SARDH: variants seen among roughly 807,000 people sequenced by gnomAD.
SARDH encodes the protein sarcosine dehydrogenase, also known as sarcosine dehydrogenase, mitochondrial.
In SARDH, 95 loss-of-function variants were observed where a neutral mutation model predicts 109.1. That is an observed-to-expected ratio of 0.87 (90% CI 0.74 to 1.03). The LOEUF (loss-of-function observed/expected upper bound fraction) is 1.03. SARDH is among the 50% of genes least tolerant of loss of function. The pLI is 0.00. For synonymous variants in SARDH, 572 were observed against 534.8 expected, an observed-to-expected ratio of 1.07 and a Z score of -0.96; for missense variants, 1,267 against 1,287.8, an observed-to-expected ratio of 0.98 and a Z score of 0.25.
chr9:133,688,242 C>T (rs1254439882), intron 16 of SARDH, among the ~76,000 whole-genome samples: 1 of 152,214 alleles, frequency 6.6e-6, no homozygotes, highest in Admixed American at 6.5e-5. Flanking sequence ...CTGGGGACTG[C>T]ATGATTCCAC....
At chr9:133,659,522 T>TTGA (rs1254355075), downstream of SARDH, among the ~76,000 whole-genome samples, 1 of 152,180 alleles carries the variant, frequency 6.6e-6, no homozygotes, top group East Asian at 1.9e-4. Context: ...GTTCAGCTCT[T>TTGA]TGATGGTTTC....
chr9:133,727,396 G>A lies in SARDH; in HGVS notation c.915+2369C>T, dbSNP rs547946368. Among the ~76,000 whole-genome samples, 152 of 152,332 alleles carry A rather than the reference G, an allele frequency of 1.0e-3. 1 individual carries two copies. Among genetic ancestry groups the A allele is most frequent in the Admixed American group, 1.4e-3 (22 of 15,298 alleles). On this transcript the variant is annotated intron_variant, in intron 6 of 20. Transcript: ENST00000439388. ...CAGGGTAGACAGCGTCCTGCTGCAC[G>A]AGGCTGCCACGCCCAGGGAGCTTCC...
At chr9:133,678,229 A>C (rs1231840033) in intron 17 of SARDH, among the ~76,000 whole-genome samples, 1 of 152,136 alleles carries the variant, frequency 6.6e-6, no homozygotes, top group African/African-American at 2.4e-5. Context: ...CACAGTGGCC[A>C]GCAGGCTCGA....
intron 17 of SARDH, among the ~76,000 whole-genome samples, chr9:133,676,242 A>G (rs1027654836): frequency 2.0e-5 from 3 of 152,222 alleles, no homozygotes; most frequent in Admixed American, 1.3e-4. Context: ...CATCACGCTA[A>G]GTGAAGGGAG....
intron 17 of SARDH, among the ~76,000 whole-genome samples, 159 bp from the exon 18 acceptor site, chr9:133,671,856 GAGCTGCTCCCTCC>G (rs1830362074): frequency 6.6e-6 from 1 of 152,210 alleles, no homozygotes; most frequent in Non-Finnish European, 1.5e-5. Flanking sequence ...CTTCCAAGGA[GAGCTGCTCCCTCC>G]AGCTGCTCTG....
intron 8 of SARDH, 74 bp downstream of exon 8, chr9:133,717,251 CG>C: frequency 6.4e-7 from 1 of 1,565,108 alleles, no homozygotes; most frequent in Non-Finnish European, 8.7e-7. Context: ...GCTGGTCTCA[CG>C]GGGCATCACT....
rs1055976286 is a variant in SARDH, at chr9:133,693,650, C to T, written c.1921+608G>A. On this transcript the variant is annotated intron_variant, in intron 15 of 20. Transcript: ENST00000439388. This position sits in a 1 kb window ranked among gnomAD's most constrained non-coding sequence, Gnocchi z 5.6. ...AGAGATCAGATGGCTCCTGTGTGAA[C>T]CCAGGGACAGGATCAGGGAGCTGAA... 6.6e-6 allele frequency among the ~76,000 whole-genome samples: 1 copy of T among 152,168 alleles called. No homozygotes were observed. Among genetic ancestry groups the T allele is most frequent in the Non-Finnish European group, 1.5e-5 (1 of 68,028 alleles).
intron 8 of SARDH, among the ~76,000 whole-genome samples, chr9:133,715,618 G>A (rs1010489263): frequency 6.6e-6 from 1 of 152,132 alleles, no homozygotes; most frequent in African/African-American, 2.4e-5. Flanking sequence ...TGGACTCCTC[G>A]GTGGCCACAG....
At position 133,712,922 on chromosome 9, in the gene SARDH, T is replaced by C. The variant is rs576177908; in HGVS notation, c.1237+116A>G. 1 of 1,119,118 alleles carries C rather than the reference T, an allele frequency of 8.9e-7. No individual in the cohort carries two copies. Among genetic ancestry groups the C allele is most frequent in the East Asian group, 2.6e-5 (1 of 38,884 alleles). The allele number at this position is 1,119,118 out of a possible 1,614,324, so 69.3% of individuals were successfully genotyped here. A position where few individuals can be genotyped will look rare whatever the true frequency, so the allele number is the denominator to read the frequency against. On this transcript the variant is annotated intron_variant, in intron 9 of 20. Coordinates refer to ENST00000439388, the MANE Select transcript of SARDH (RefSeq NM_001134707.2). This position sits in a 1 kb window ranked among gnomAD's most constrained non-coding sequence, Gnocchi z 4.1. ...GCAGAAGGGGCTGGACTCCCCAGCCTCTCCTGTCCCCACCACTGTCGGGGG... is the reference window on the plus strand; with the variant it reads ...GCAGAAGGGGCTGGACTCCCCAGCCCCTCCTGTCCCCACCACTGTCGGGGG...
intron 6 of SARDH, among the ~76,000 whole-genome samples, chr9:133,719,894 G>A (rs934215262): frequency 6.8e-6 from 1 of 147,166 alleles, no homozygotes; most frequent in South Asian, 2.2e-4. Flanking sequence ...GGCAGATCAC[G>A]AGGTCAGGAA....
chr9:133,663,899 C>G lies in SARDH; in HGVS notation c.2747G>C (p.Gly916Ala), dbSNP rs780503752. The G allele has an allele frequency of 1.2e-6, 2 of 1,614,124 alleles. No homozygotes were observed. Among genetic ancestry groups the G allele is most frequent in the South Asian group, 1.1e-5 (1 of 91,068 alleles). ...ATGTGGTCTGAGCCCTCAGTAGATT[C>G]CCTTCACCCTCTTGTTGTTGGGGTC... is the stretch of plus-strand genomic sequence containing the variant. ...PFDPNNKRVK[G>A]IY is the part of the protein sequence containing the mutation. Residue 916 changes from glycine to alanine, a missense_variant, in exon 21 of 21, where the codon GGA (glycine) becomes GCA (alanine). Physicochemically the swap from Gly to Ala is moderately conservative, Grantham distance 60. Transcript: ENST00000439388.
In SARDH at chr9:133,663,737, G is replaced by A. The variant is rs115848538; in HGVS notation, c.*152C>T. On this transcript the variant is annotated 3_prime_UTR_variant, in exon 21 of 21. Transcript: ENST00000439388. ...GGATGGGCCATCTTGGTCTCTGTCC[G>A]TATCTGGTTTGGGGGTTTTCGCAGG... 685 of 1,063,700 alleles carry A rather than the reference G, an allele frequency of 6.4e-4. 4 individuals are homozygous for A. In the African/African-American group the frequency reaches 9.8e-3, roughly 15 times the overall value. The allele number at this position is 1,063,700 out of a possible 1,614,324, so 65.9% of individuals were successfully genotyped here.
In SARDH at chr9:133,681,569, C is replaced by CT. The variant is rs1294225467; in HGVS notation, c.2163+3623dup. Among the ~76,000 whole-genome samples, 3 of 152,342 alleles carry CT rather than the reference C, an allele frequency of 2.0e-5. No individual in the cohort carries two copies. The East Asian group carries it at 5.8e-4, about 29-fold the overall frequency. On this transcript the variant is annotated intron_variant, in intron 17 of 20. Transcript: ENST00000439388. ...GAGGGAAGGAGCCACATCTTCCATC[C>CT]TGGGACCCCAATCCAGCACCCAGCA...
At chr9:133,719,377 T>C (rs2510240) in intron 6 of SARDH, among the ~76,000 whole-genome samples, 89,749 of 151,918 alleles carry the variant, frequency 0.59, 26,520 homozygotes, top group Admixed American at 0.62. Context: ...GAGGCAGCAG[T>C]AGAGGATGGG....
chr9:133,670,941 G>C (rs1467260264), intron 18 of SARDH, among the ~76,000 whole-genome samples, 189 bp from the exon 19 acceptor site: 3 of 152,218 alleles, frequency 2.0e-5, no homozygotes, highest in African/African-American at 7.2e-5. Flanking sequence ...CCGCTCCCCC[G>C]AGCAGACTGC....
At chr9:133,711,819 C>T (rs1233796145) in intron 10 of SARDH, among the ~76,000 whole-genome samples, 3 of 152,158 alleles carry the variant, frequency 2.0e-5, no homozygotes, top group South Asian at 4.1e-4. Context: ...CGTCCTGCCT[C>T]GACAGCCACC....
chr9:133,725,008 G>A (rs938142473), intron 6 of SARDH, among the ~76,000 whole-genome samples: 1 of 152,172 alleles, frequency 6.6e-6, no homozygotes, highest in Non-Finnish European at 1.5e-5. Context: ...CCACCAGTGG[G>A]TGAACGGATA....
In SARDH at chr9:133,734,127, C is replaced by T. The variant is rs767624464; in HGVS notation, c.47G>A (p.Arg16His). The change falls in exon 2 of 21, where the codon CGC (arginine) becomes CAC (histidine). Residue 16 changes from arginine (R) to histidine (H), a missense_variant. Coordinates refer to ENST00000439388, the MANE Select transcript of SARDH (RefSeq NM_001134707.2). Reference sequence around the variant, plus strand: ...CCCCATGCCCCGGGTAGGGCTCTGGCGAGGGTGGGCAGCAGCCACACGTAG... The same window carrying T: ...CCCCATGCCCCGGGTAGGGCTCTGGTGAGGGTGGGCAGCAGCCACACGTAG... The part of the protein sequence containing the change: ...RALRVAAAHP[R>H]QSPTRGMGPC... 28 of 1,609,034 alleles carry T rather than the reference C, an allele frequency of 1.7e-5. No homozygotes were observed. In the East Asian group the frequency reaches 1.8e-4, roughly 10 times the overall value.
chr9:133,727,890 G>A (rs1423529905), intron 6 of SARDH, among the ~76,000 whole-genome samples: 1 of 152,104 alleles, frequency 6.6e-6, no homozygotes, highest in Non-Finnish European at 1.5e-5. Context: ...GAGGAATTAG[G>A]GATGGAGGAT....
Sources: allele counts gnomAD v4.1 joint callset (sites outside exome capture counted in the v4.1 genomes callset), GRCh38; gene constraint gnomAD v4.1.1; non-coding constraint Gnocchi (gnomAD v3.1); transcripts MANE v1.5; gene names NCBI Gene and HGNC (gene_info 2026-07-23, HGNC 2026-07-21).